ELAVL4: variants seen among roughly 807,000 people sequenced by gnomAD.
The protein encoded by ELAVL4 is ELAV-like protein 4.
ELAVL4 carries 1 observed loss-of-function variant against 35.6 expected under a neutral mutation model. The ratio of observed to expected loss-of-function variants is 0.03; its 90% CI spans 0.01 to 0.13. The LOEUF is 0.13. ELAVL4 is among the 10% of genes least tolerant of loss of function. The pLI, the probability that ELAVL4 is intolerant of heterozygous loss-of-function variation, is 1.00. For synonymous variants in ELAVL4, 156 were observed against 171.0 expected, an observed-to-expected ratio of 0.91 and a Z score of 0.69; for missense variants, 267 against 464.9, an observed-to-expected ratio of 0.57 and a Z score of 3.91.
chr1:50,063,267 A>T (rs751274369), intron 1 of ELAVL4, among the ~76,000 whole-genome samples: 17 of 152,164 alleles, frequency 1.1e-4, no homozygotes, highest in Admixed American at 3.9e-4. Context: ...CGCTTCATAC[A>T]TGGTGAATAT....
intron 2 of ELAVL4, among the ~76,000 whole-genome samples, chr1:50,159,182 C>T (rs958284579): frequency 1.3e-5 from 2 of 152,158 alleles, no homozygotes; most frequent in East Asian, 3.9e-4. Flanking sequence ...GTATTCAGTC[C>T]TGTTTCAAAG....
chr1:50,081,763 T>C (rs747588822), intron 1 of ELAVL4, among the ~76,000 whole-genome samples: 1 of 152,220 alleles, frequency 6.6e-6, no homozygotes, highest in Non-Finnish European at 1.5e-5. Flanking sequence ...CGTGCTATGG[T>C]GGTTTGCTGC....
At chr1:50,186,095 A>G (rs1042513763) in intron 3 of ELAVL4, among the ~76,000 whole-genome samples, 1 of 152,114 alleles carries the variant, frequency 6.6e-6, no homozygotes, top group Non-Finnish European at 1.5e-5. Context: ...AGACACATGA[A>G]TCTATCGTCA....
intron 3 of ELAVL4, among the ~76,000 whole-genome samples, chr1:50,185,233 C>T (rs1681644466): frequency 6.6e-6 from 1 of 152,216 alleles, no homozygotes; most frequent in African/African-American, 2.4e-5. Flanking sequence ...TCCTTCTCCC[C>T]TTTTGTCCAT....
rs995041416 is a variant in ELAVL4, at chr1:50,149,409, A to G, written c.250+4212A>G. Among the ~76,000 whole-genome samples, 8 of 152,026 alleles carry G rather than the reference A, an allele frequency of 5.3e-5. 1 individual carries two copies. In the South Asian group the frequency reaches 1.7e-3, roughly 32 times the overall value. ...CTGTCTCAAAAAAAAAAGAAAAAGA[A>G]AAAAGAAATCAGTGTAAGACAACAA... On this transcript the variant is annotated intron_variant, in intron 2 of 6. Transcript: ENST00000371824.
At chr1:50,105,149 C>G (rs1258235680), upstream of ELAVL4, among the ~76,000 whole-genome samples, 1 of 152,086 alleles carries the variant, frequency 6.6e-6, no homozygotes, top group African/African-American at 2.4e-5. Flanking sequence ...ATTAAATAAA[C>G]CTAATTTCTA....
At chr1:50,131,236 T>TGCA (rs1430340390) in intron 1 of ELAVL4, among the ~76,000 whole-genome samples, 7 of 152,158 alleles carry the variant, frequency 4.6e-5, no homozygotes, top group African/African-American at 1.7e-4. Flanking sequence ...TTGTAGATTA[T>TGCA]GCAGCTTGAA....
intron 2 of ELAVL4, among the ~76,000 whole-genome samples, chr1:50,167,446 T>C (rs181194464): frequency 6.6e-6 from 1 of 152,302 alleles, no homozygotes. Context: ...CTGGAGTAAG[T>C]GTCTATTCCA....
At chr1:50,089,114 A>G (rs983878952) in intron 1 of ELAVL4, among the ~76,000 whole-genome samples, 3 of 152,298 alleles carry the variant, frequency 2.0e-5, no homozygotes, top group South Asian at 4.1e-4. Context: ...CCACACTGCC[A>G]GTCACTAGGA....
At chr1:50,196,243 G>A (rs1270661605) in intron 5 of ELAVL4, among the ~76,000 whole-genome samples, 2 of 152,174 alleles carry the variant, frequency 1.3e-5, no homozygotes, top group Non-Finnish European at 2.9e-5. Context: ...GTTCAGGGGA[G>A]GGGGAAGTGC....
At chr1:50,160,070 T>G (rs1305850410) in intron 2 of ELAVL4, among the ~76,000 whole-genome samples, 1 of 152,200 alleles carries the variant, frequency 6.6e-6, no homozygotes, top group Admixed American at 6.5e-5. Context: ...GTTCATTTGG[T>G]GTCCTGACTG....
upstream of ELAVL4, among the ~76,000 whole-genome samples, chr1:50,104,481 G>T (rs1666156611): frequency 6.6e-6 from 1 of 152,202 alleles, no homozygotes; most frequent in African/African-American, 2.4e-5. Flanking sequence ...ATGCAAGGAG[G>T]TTAAATGGTA....
chr1:50,125,445 A>G (rs1669743077), intron 1 of ELAVL4, among the ~76,000 whole-genome samples: 1 of 151,884 alleles, frequency 6.6e-6, no homozygotes, highest in East Asian at 1.9e-4. Context: ...CCCTACTCTG[A>G]AAGGCTGAGC....
intron 1 of ELAVL4, among the ~76,000 whole-genome samples, chr1:50,076,939 T>C (rs894689451): frequency 2.0e-5 from 3 of 152,092 alleles, no homozygotes; most frequent in African/African-American, 7.2e-5. Context: ...AAGCCTCAGC[T>C]CTTCATCTGT....
chr1:50,188,277 G>A (rs191859543), intron 3 of ELAVL4, among the ~76,000 whole-genome samples: 1 of 152,142 alleles, frequency 6.6e-6, no homozygotes, highest in East Asian at 1.9e-4. Context: ...TTTCTGCTGA[G>A]TTCCCCATTG....
Position 50,050,230 on chromosome 1 carries a change from T to C in ELAVL4, c.18+2048T>C, listed in dbSNP as rs538894727. ...CAGTGCCTGCCATATGGGCATTCAG[T>C]AAATACTGCTATTATCAACCAAACA... On this transcript the variant is annotated intron_variant, in intron 1 of 6. Coordinates refer to the ELAVL4 transcript ENST00000448907. Among the ~76,000 whole-genome samples, 246 of 152,340 alleles carry C rather than the reference T, an allele frequency of 1.6e-3. 2 individuals are homozygous for C. The highest frequency in any genetic ancestry group is 5.7e-3 in the African/African-American group (235 of 41,578).
chr1:50,136,782 T>G (rs1268837113), intron 1 of ELAVL4, among the ~76,000 whole-genome samples: 1 of 152,160 alleles, frequency 6.6e-6, no homozygotes, highest in Non-Finnish European at 1.5e-5. Context: ...TTCTTTCCTC[T>G]TGATCCTTTC....
chr1:50,142,647 G>C (rs1183865425), intron 1 of ELAVL4, among the ~76,000 whole-genome samples: 2 of 152,116 alleles, frequency 1.3e-5, no homozygotes, highest in East Asian at 3.9e-4. Context: ...GGAGCAACTG[G>C]AACTTTCATA....
chr1:50,183,015 G>A (rs1174992165), intron 3 of ELAVL4, among the ~76,000 whole-genome samples: 4 of 151,836 alleles, frequency 2.6e-5, no homozygotes, highest in East Asian at 3.9e-4. Flanking sequence ...CTGCCACCAC[G>A]CCCGGCTGAT....
Sources: gnomAD v4.1 joint callset for allele counts (sites outside exome capture counted in the v4.1 genomes callset) on GRCh38, gnomAD v4.1.1 for gene constraint, MANE v1.5 for transcripts, NCBI Gene and HGNC (gene_info 2026-07-23, HGNC 2026-07-21) for gene names.